The following SLIT3 variants were observed in gnomAD, a reference collection of about 807,000 sequenced individuals.
SLIT3 encodes slit guidance ligand 3, also known as slit homolog 3 protein.
A neutral mutation model predicts 184.0 loss-of-function variants in SLIT3; 68 were observed. The observed-to-expected ratio is 0.37, with a 90% CI of 0.30 to 0.45. The LOEUF is 0.45. Ranked by LOEUF, SLIT3 falls within the 20% of genes least tolerant of loss-of-function variation. The pLI, the probability that SLIT3 is intolerant of heterozygous loss-of-function variation, is 1.00. For synonymous variants in SLIT3, 831 were observed against 828.6 expected (o/e 1.00, Z -0.05); for missense variants, 1,707 against 2,026.0 (o/e 0.84, Z 3.02).
intron 4 of SLIT3, among the ~76,000 whole-genome samples, chr5:168,951,023 C>A (rs1026312961): frequency 6.6e-6 from 1 of 152,180 alleles, no homozygotes; most frequent in African/African-American, 2.4e-5. Flanking sequence ...GAGTTGGAGA[C>A]CAGCCTGGCA....
intron 1 of SLIT3, among the ~76,000 whole-genome samples, chr5:169,285,412 T>C (rs1364131551): frequency 6.6e-6 from 1 of 152,158 alleles, no homozygotes; most frequent in Middle Eastern, 3.2e-3. Context: ...CTTAAGAGAT[T>C]AGATTATATG....
chr5:169,253,273 G>T (rs1002166424), intron 1 of SLIT3, among the ~76,000 whole-genome samples: 1 of 152,162 alleles, frequency 6.6e-6, no homozygotes, highest in Non-Finnish European at 1.5e-5. Context: ...GCAACCAAGG[G>T]TTTAATTACC....
intron 4 of SLIT3, among the ~76,000 whole-genome samples, chr5:169,105,597 C>T (rs773133324): frequency 2.0e-5 from 3 of 152,174 alleles, no homozygotes; most frequent in African/African-American, 7.2e-5. Context: ...GACAATATCC[C>T]GAGGCCATCC....
intron 4 of SLIT3, among the ~76,000 whole-genome samples, chr5:169,073,831 C>T (rs985826759): frequency 3.3e-5 from 5 of 152,166 alleles, no homozygotes; most frequent in African/African-American, 9.7e-5. Flanking sequence ...CACCACACTT[C>T]CTGTACAGCC....
At chr5:168,835,146 A>G (rs1212660904) in intron 6 of SLIT3, among the ~76,000 whole-genome samples, 1 of 152,214 alleles carries the variant, frequency 6.6e-6, no homozygotes, top group Non-Finnish European at 1.5e-5. Flanking sequence ...GAGAGATCCT[A>G]GCCACAGGCG....
chr5:168,825,862 G>A (rs189726593), intron 6 of SLIT3, among the ~76,000 whole-genome samples: 10 of 152,180 alleles, frequency 6.6e-5, no homozygotes, highest in African/African-American at 2.4e-5. Context: ...ATGCCTCCAG[G>A]GCAGAAATGA....
intron 4 of SLIT3, among the ~76,000 whole-genome samples, chr5:169,071,152 G>A (rs1367456993): frequency 6.6e-6 from 1 of 152,178 alleles, no homozygotes; most frequent in Non-Finnish European, 1.5e-5. Context: ...GTTACAGGCT[G>A]TGATTTGTGG....
At chr5:168,959,090 A>G (rs1302869820) in intron 4 of SLIT3, among the ~76,000 whole-genome samples, 1 of 152,260 alleles carries the variant, frequency 6.6e-6, no homozygotes, top group African/African-American at 2.4e-5. Context: ...CTGAGATTTG[A>G]AAAGAATGTG....
At chr5:169,008,292 T>A (rs1290807583) in intron 4 of SLIT3, among the ~76,000 whole-genome samples, 1 of 152,114 alleles carries the variant, frequency 6.6e-6, no homozygotes, top group East Asian at 1.9e-4. Context: ...TGGGCAGTCA[T>A]CTTTGGGTCA....
At chr5:169,144,226 G>C (rs1268397914) in intron 4 of SLIT3, among the ~76,000 whole-genome samples, 2 of 152,094 alleles carry the variant, frequency 1.3e-5, no homozygotes, top group African/African-American at 2.4e-5. Context: ...CCTGTCTTGG[G>C]GTCCTTGTAC....
intron 4 of SLIT3, among the ~76,000 whole-genome samples, chr5:169,147,613 G>A (rs1761968904): frequency 6.6e-6 from 1 of 152,292 alleles, no homozygotes; most frequent in South Asian, 2.1e-4. Context: ...ACGAGGTTAG[G>A]TGGTTTTATC....
At chr5:169,031,485 G>A (rs1392475619) in intron 4 of SLIT3, among the ~76,000 whole-genome samples, 1 of 152,194 alleles carries the variant, frequency 6.6e-6, no homozygotes, top group Non-Finnish European at 1.5e-5. Flanking sequence ...AGAGCAAGGA[G>A]TGGGGTCTCA....
intron 6 of SLIT3, among the ~76,000 whole-genome samples, chr5:168,825,734 A>G (rs887366758): frequency 6.6e-6 from 1 of 152,208 alleles, no homozygotes; most frequent in African/African-American, 2.4e-5. Context: ...CTTCCAGAAG[A>G]TCTCATCAAA....
rs117128930 is a variant in SLIT3 at position 168,983,282 on chromosome 5, C to T, written c.414-99946G>A. Among the ~76,000 whole-genome samples, 293 of 152,284 alleles carry T rather than the reference C, an allele frequency of 1.9e-3. 3 individuals carry two copies. The highest frequency in any genetic ancestry group is 0.015 in the Admixed American group (224 of 15,298). ...TTGTAGAGATCTCACAAGCTTTATC[C>T]CCCAGGTAAACTCCCCAAGATCACC... On this transcript the variant is annotated intron_variant, in intron 4 of 35. Transcript: ENST00000519560.
intron 4 of SLIT3, among the ~76,000 whole-genome samples, chr5:169,162,217 A>C (rs983292537): frequency 1.3e-5 from 2 of 152,176 alleles, no homozygotes; most frequent in Admixed American, 1.3e-4. Flanking sequence ...AGTGGGGTCC[A>C]AGACCAGCTG....
intron 2 of SLIT3, among the ~76,000 whole-genome samples, chr5:169,246,984 A>G (rs1765615520): frequency 6.8e-6 from 1 of 146,368 alleles, no homozygotes; most frequent in Non-Finnish European, 1.5e-5. Context: ...TAATCCCAAC[A>G]CTTTGGGAGG....
chr5:168,965,701 A>G (rs1469111201), intron 4 of SLIT3, among the ~76,000 whole-genome samples: 3 of 152,220 alleles, frequency 2.0e-5, no homozygotes, highest in African/African-American at 7.2e-5. Flanking sequence ...TCTATCGCTT[A>G]TCAGCAATGA....
chr5:169,152,322 T>C (rs1488772835), intron 4 of SLIT3, among the ~76,000 whole-genome samples: 4 of 152,148 alleles, frequency 2.6e-5, no homozygotes, highest in African/African-American at 9.7e-5. Context: ...AGAAAGCAAA[T>C]ACCTGCAGTG....
intron 4 of SLIT3, among the ~76,000 whole-genome samples, chr5:168,889,835 C>T (rs1248459986): frequency 6.6e-6 from 1 of 152,142 alleles, no homozygotes; most frequent in African/African-American, 2.4e-5. Flanking sequence ...ATAAAATAAA[C>T]ATCTAGACAC....
Sources: gnomAD v4.1 joint callset for allele counts (sites outside exome capture counted in the v4.1 genomes callset) on GRCh38, gnomAD v4.1.1 for gene constraint, MANE v1.5 for transcripts, NCBI Gene and HGNC (gene_info 2026-07-23, HGNC 2026-07-21) for gene names.